The following STOX2 variants were observed in gnomAD, a reference collection of about 807,000 sequenced individuals.
The protein encoded by STOX2 is storkhead-box protein 2.
A neutral mutation model predicts 60.9 loss-of-function variants in STOX2; 28 were observed. The observed-to-expected ratio is 0.46, with a 90% confidence interval of 0.34 to 0.63. The LOEUF (loss-of-function observed/expected upper bound fraction) is 0.63, where lower values mean the gene tolerates loss of function less well. Among genes scored for constraint, STOX2 ranks in the 30% least tolerant of loss-of-function variants. The pLI is 0.01. For synonymous variants in STOX2, 472 were observed against 463.9 expected (o/e 1.02, Z -0.22); for missense variants, 1,024 against 1,187.7 (o/e 0.86, Z 2.03).
At chr4:183,818,443 G>A (rs557815783) in intron 1 of STOX2, among the ~76,000 whole-genome samples, 1 of 152,156 alleles carries the variant, frequency 6.6e-6, no homozygotes, top group East Asian at 1.9e-4. Flanking sequence ...GGATCCCAAG[G>A]CAGAAGAATT....
intron 1 of STOX2, among the ~76,000 whole-genome samples, chr4:183,996,329 A>G (rs1733345493): frequency 6.6e-6 from 1 of 152,228 alleles, no homozygotes; most frequent in Non-Finnish European, 1.5e-5. Context: ...AATGTGCTTT[A>G]AGATGAGTTG....
intron 3 of STOX2, among the ~76,000 whole-genome samples, chr4:184,012,583 G>A (rs1191760445): frequency 6.6e-6 from 1 of 152,108 alleles, no homozygotes; most frequent in Non-Finnish European, 1.5e-5. Context: ...TTAAAGGGCT[G>A]GTTCATTATT....
At chr4:183,973,708 A>G (rs1370497783) in intron 1 of STOX2, among the ~76,000 whole-genome samples, 2 of 152,238 alleles carry the variant, frequency 1.3e-5, no homozygotes, top group African/African-American at 2.4e-5. Flanking sequence ...TAAAATATGT[A>G]TAATAGGCCG....
chr4:183,881,406 G>T (rs1401551252), intron 1 of STOX2, among the ~76,000 whole-genome samples: 3 of 152,222 alleles, frequency 2.0e-5, no homozygotes, highest in African/African-American at 4.8e-5. Context: ...GGAGGCTGAG[G>T]CAGGAGAATC....
At position 184,017,581 on chromosome 4, in the gene STOX2, G is replaced by C. The variant is rs546690894; in HGVS notation, c.*297G>C. On this transcript the variant is annotated 3_prime_UTR_variant, in exon 4 of 4. Transcript: ENST00000308497. ...AGTCTAGACACTGTAAGTGTAATACGCATTTTCAATGTCATGCAGTTGCCA... is the reference window on the plus strand; with the variant it reads ...AGTCTAGACACTGTAAGTGTAATACCCATTTTCAATGTCATGCAGTTGCCA... The C allele has an allele frequency of 2.0e-4, 43 of 218,418 alleles. No individual in the cohort carries two copies. The highest frequency in any genetic ancestry group is 3.5e-4 in the Non-Finnish European group (39 of 112,404). The allele number at this position is 218,418 out of a possible 1,614,324, so 13.5% of individuals were successfully genotyped here.
intron 1 of STOX2, among the ~76,000 whole-genome samples, chr4:183,847,122 C>A (rs1398641398): frequency 1.3e-5 from 2 of 152,208 alleles, no homozygotes; most frequent in Non-Finnish European, 2.9e-5. Flanking sequence ...ATGCCTTCAA[C>A]CCTCAGCCAT....
chr4:183,833,955 C>G (rs1048597455), intron 1 of STOX2, among the ~76,000 whole-genome samples: 64 of 131,608 alleles, frequency 4.9e-4, no homozygotes, highest in African/African-American at 1.9e-3. Flanking sequence ...GCACTCCAGC[C>G]TGGGCGACAG....
intron 1 of STOX2, among the ~76,000 whole-genome samples, chr4:183,885,687 A>G (rs1416333961): frequency 6.6e-6 from 1 of 152,234 alleles, no homozygotes; most frequent in Non-Finnish European, 1.5e-5. Flanking sequence ...CATTCATCCA[A>G]GGTCCTGCTC....
intron 1 of STOX2, among the ~76,000 whole-genome samples, chr4:183,964,459 T>C (rs1743502500): frequency 6.6e-6 from 1 of 152,204 alleles, no homozygotes; most frequent in South Asian, 2.1e-4. Flanking sequence ...TTTATCTCAG[T>C]ACCTGTTTAT....
chr4:184,013,403 T>A (rs954605805), intron 3 of STOX2, among the ~76,000 whole-genome samples: 4 of 152,232 alleles, frequency 2.6e-5, no homozygotes, highest in Non-Finnish European at 4.4e-5. Context: ...GTGCTTAAAG[T>A]TAAGTGTTTT....
At chr4:183,866,500 T>G (rs1740571024) in intron 1 of STOX2, among the ~76,000 whole-genome samples, 1 of 152,168 alleles carries the variant, frequency 6.6e-6, no homozygotes, top group Non-Finnish European at 1.5e-5. Context: ...TCAGGCATTT[T>G]GCCTGATTTA....
chr4:184,022,088 A>G lies in STOX2; in HGVS notation c.*4804A>G, dbSNP rs1366408424. On this transcript the variant is annotated 3_prime_UTR_variant, in exon 4 of 4. Coordinates refer to ENST00000308497, the MANE Select transcript of STOX2 (RefSeq NM_020225.3). ...AAACACTGTTTTGCTTTGGGTTAGT[A>G]AAATGTGGGCAGGACAAAGATTACT... 6.6e-6 allele frequency: 1 copy of G among 152,232 alleles called. No individual in the cohort carries two copies. Among genetic ancestry groups the G allele is most frequent in the Non-Finnish European group, 1.5e-5 (1 of 68,042 alleles). The allele number at this position is 152,232 out of a possible 1,614,324, so 9.4% of individuals were successfully genotyped here. A position where few individuals can be genotyped will look rare whatever the true frequency, so the allele number is the denominator to read the frequency against.
chr4:183,937,599 A>G (rs1439390559), intron 1 of STOX2, among the ~76,000 whole-genome samples: 3 of 152,184 alleles, frequency 2.0e-5, no homozygotes, highest in Non-Finnish European at 4.4e-5. Flanking sequence ...TTTCACCAAC[A>G]TCCAAGCTCA....
intron 1 of STOX2, among the ~76,000 whole-genome samples, chr4:183,875,701 C>T (rs1010168601): frequency 3.0e-4 from 45 of 152,306 alleles, no homozygotes; most frequent in African/African-American, 5.5e-4. Flanking sequence ...GGATGAGCTC[C>T]GCTCGTTTTA....
chr4:183,938,893 G>T (rs1271667465), intron 1 of STOX2, among the ~76,000 whole-genome samples: 1 of 152,024 alleles, frequency 6.6e-6, no homozygotes. Context: ...GATTAAGAAT[G>T]CTCATCTTTT....
chr4:183,935,182 G>A (rs536232864), intron 1 of STOX2, among the ~76,000 whole-genome samples: 7 of 152,196 alleles, frequency 4.6e-5, no homozygotes, highest in South Asian at 2.1e-4. Context: ...TGGATGTCCC[G>A]CAGGACAGTG....
chr4:183,895,827 G>C (rs745771398), intron 1 of STOX2, among the ~76,000 whole-genome samples: 3 of 152,198 alleles, frequency 2.0e-5, no homozygotes, highest in Non-Finnish European at 2.9e-5. Flanking sequence ...AGGGTGTTGT[G>C]TTGCATTATT....
At chr4:183,873,497 T>G (rs1004285227) in intron 1 of STOX2, among the ~76,000 whole-genome samples, 2 of 150,670 alleles carry the variant, frequency 1.3e-5, no homozygotes, top group Non-Finnish European at 2.9e-5. Context: ...GGGTGTTGCA[T>G]TCTAGGTTTC....
chr4:183,809,831 C>T (rs1448909536), intron 1 of STOX2, among the ~76,000 whole-genome samples: 4 of 152,178 alleles, frequency 2.6e-5, no homozygotes, highest in African/African-American at 9.7e-5. Context: ...GTATCTTTTC[C>T]TTTAGTACAC....
Sources: allele counts gnomAD v4.1 joint callset (sites outside exome capture counted in the v4.1 genomes callset), GRCh38; gene constraint gnomAD v4.1.1; transcripts MANE v1.5; gene names NCBI Gene and HGNC (gene_info 2026-07-23, HGNC 2026-07-21).